The following MBD5 variants were observed in gnomAD, a reference collection of about 807,000 sequenced individuals.
MBD5 encodes methyl-CpG binding domain protein 5, also known as methyl-CpG-binding domain protein 5.
A neutral mutation model predicts 117.3 loss-of-function variants in MBD5; 13 were observed. The observed-to-expected ratio is 0.11, with a 90% CI of 0.07 to 0.18. MBD5 has a LOEUF of 0.18. Among genes scored for constraint, MBD5 ranks in the 10% least tolerant of loss-of-function variants. The pLI, the probability that MBD5 is intolerant of heterozygous loss-of-function variation, is 1.00. For synonymous variants in MBD5, 727 were observed against 766.4 expected (o/e 0.95, Z 0.85); for missense variants, 1,879 against 2,093.8 (o/e 0.90, Z 2.00).
rs73965441 is a variant in MBD5, at chr2:148,495,740, T to C, written c.4962+5146T>C. Among the ~76,000 whole-genome samples the C allele has an allele frequency of 1.7e-3, 254 of 152,382 alleles. 2 individuals carry two copies. The highest frequency in any genetic ancestry group is 6.0e-3 in the African/African-American group (250 of 41,600). On this transcript the variant is annotated intron_variant, in intron 11 of 13. Coordinates refer to ENST00000642680, the MANE Select transcript of MBD5 (RefSeq NM_001378120.1). ...TCTTTGACTTTTTTCCATACAGTTA[T>C]TTCTGGCAAGTAGAGATAAAAACAG...
chr2:148,143,848 A>G (rs1168034973), intron 1 of MBD5, among the ~76,000 whole-genome samples: 3 of 152,010 alleles, frequency 2.0e-5, no homozygotes, highest in Admixed American at 6.6e-5. Flanking sequence ...AATCCAGTCT[A>G]TCATTGATGG....
chr2:148,489,897 G>A lies in MBD5; in HGVS notation c.4265G>A (p.Ser1422Asn), dbSNP rs2105127970. The change falls in exon 11 of 14, where the codon AGT becomes AAT. Residue 1422 changes from serine to asparagine, a missense_variant. Transcript: ENST00000642680. Reference protein sequence around the residue: ...GDGFEYFKSASCHTSKKQWDG... With the variant: ...GDGFEYFKSANCHTSKKQWDG... ...GGGTTTGAATATTTCAAGTCAGCAA[G>A]TTGCCACACATCCAAAAAACAGTGG... 2 of 1,614,132 alleles carry A rather than the reference G, an allele frequency of 1.2e-6. No homozygotes were observed. Among genetic ancestry groups the A allele is most frequent in the East Asian group, 4.5e-5 (2 of 44,882 alleles).
intron 3 of MBD5, among the ~76,000 whole-genome samples, chr2:148,323,624 T>G (rs1293356807): frequency 1.3e-5 from 2 of 151,612 alleles, no homozygotes; most frequent in African/African-American, 4.8e-5. Flanking sequence ...TCATGTGTTT[T>G]TTGGCTGCAT....
intron 4 of MBD5, among the ~76,000 whole-genome samples, chr2:148,388,111 GAGA>G (rs1269119326): frequency 6.6e-6 from 1 of 152,164 alleles, no homozygotes; most frequent in East Asian, 1.9e-4. Context: ...GTTATTGGTG[GAGA>G]AGAAGACAGC....
At chr2:148,358,159 C>G (rs149257122) in intron 4 of MBD5, among the ~76,000 whole-genome samples, 2 of 152,044 alleles carry the variant, frequency 1.3e-5, no homozygotes, top group East Asian at 3.9e-4. Flanking sequence ...TAAAAACATG[C>G]GTGGTCTACC....
At chr2:148,099,884 A>G (rs1696162374) in intron 1 of MBD5, among the ~76,000 whole-genome samples, 1 of 152,218 alleles carries the variant, frequency 6.6e-6, no homozygotes, top group South Asian at 2.1e-4. Context: ...ATTCATTCAC[A>G]TAAAAATATT....
chr2:148,107,934 T>C (rs1447115665), intron 1 of MBD5, among the ~76,000 whole-genome samples: 2 of 152,202 alleles, frequency 1.3e-5, no homozygotes, highest in Non-Finnish European at 2.9e-5. Context: ...ACAGTATTAG[T>C]ACAATACTAT....
At chr2:148,155,145 A>T (rs1482673589) in intron 1 of MBD5, among the ~76,000 whole-genome samples, 1 of 152,224 alleles carries the variant, frequency 6.6e-6, no homozygotes, top group Non-Finnish European at 1.5e-5. Context: ...AGCGGGAAAG[A>T]TTGCTAAGGA....
rs1681452038 is a variant in MBD5, at chr2:148,489,572, G to T, written c.3940G>T (p.Gly1314Cys). 2 of 1,614,164 alleles carry T rather than the reference G, an allele frequency of 1.2e-6. No individual in the cohort carries two copies. The highest frequency in any genetic ancestry group is 1.7e-6 in the Non-Finnish European group (2 of 1,180,040). Reference sequence around the variant, plus strand: ...GGATGGCCTCGTTGTGGGTGGCCCAGGTGATGCTTCCGTAGATGCCATTTA... The same window carrying T: ...GGATGGCCTCGTTGTGGGTGGCCCATGTGATGCTTCCGTAGATGCCATTTA... Reference protein sequence around the residue: ...VKDGLVVGGPGDASVDAIYKA... With the variant: ...VKDGLVVGGPCDASVDAIYKA... The change falls in exon 11 of 14, where the codon GGT becomes TGT. Residue 1314 changes from glycine to cysteine, a missense_variant. By Grantham distance (159) the Gly-to-Cys change is radical (BLOSUM62 -3). This residue lies in a region of MBD5 where 1,666 missense variants were observed against 1,792.2 expected (regional missense o/e 0.93). Transcript: ENST00000642680.
At chr2:148,315,212 A>G (rs1217267408) in intron 3 of MBD5, among the ~76,000 whole-genome samples, 1 of 152,122 alleles carries the variant, frequency 6.6e-6, no homozygotes, top group African/African-American at 2.4e-5. Flanking sequence ...GTATAAGTAA[A>G]TCATCATTTT....
At chr2:148,446,194 T>G (rs943712334) in intron 4 of MBD5, among the ~76,000 whole-genome samples, 5 of 151,910 alleles carry the variant, frequency 3.3e-5, no homozygotes, top group East Asian at 1.9e-4. Flanking sequence ...GTTTTAGACA[T>G]GAAGCCCTTG....
At chr2:148,400,250 G>A (rs1256451339) in intron 4 of MBD5, among the ~76,000 whole-genome samples, 1 of 150,820 alleles carries the variant, frequency 6.6e-6, no homozygotes, top group East Asian at 1.9e-4. Flanking sequence ...TCAGTAATAT[G>A]GTATTCCCCA....
chr2:148,496,046 T>C (rs1219721053), intron 11 of MBD5, among the ~76,000 whole-genome samples: 1 of 152,238 alleles, frequency 6.6e-6, no homozygotes, highest in East Asian at 1.9e-4. Context: ...GTGTTAGCTG[T>C]TTGTATTCTT....
At chr2:148,237,846 G>A (rs1422215113) in intron 3 of MBD5, among the ~76,000 whole-genome samples, 1 of 152,136 alleles carries the variant, frequency 6.6e-6, no homozygotes, top group Non-Finnish European at 1.5e-5. Flanking sequence ...GATTAAGGCT[G>A]ATTTATTAAC....
chr2:148,216,640 C>T (rs1699562739), intron 2 of MBD5, among the ~76,000 whole-genome samples: 1 of 152,144 alleles, frequency 6.6e-6, no homozygotes, highest in African/African-American at 2.4e-5. Flanking sequence ...ATATTCTTCC[C>T]TTCTCCCCAA....
At chr2:148,200,982 G>A (rs1312954711) in intron 2 of MBD5, among the ~76,000 whole-genome samples, 1 of 152,162 alleles carries the variant, frequency 6.6e-6, no homozygotes, top group Non-Finnish European at 1.5e-5. Context: ...ATAAAGCAAA[G>A]TTGTGTACCA....
At chr2:148,057,697 C>A (rs902442899) in intron 1 of MBD5, among the ~76,000 whole-genome samples, 20 of 151,806 alleles carry the variant, frequency 1.3e-4, no homozygotes, top group Non-Finnish European at 2.2e-4. Context: ...CAACAATATG[C>A]TTTAGGGTTT....
chr2:148,302,053 T>C (rs1238728978), intron 3 of MBD5, among the ~76,000 whole-genome samples: 5 of 152,220 alleles, frequency 3.3e-5, no homozygotes, highest in African/African-American at 1.2e-4. Flanking sequence ...GCCTTGCTCG[T>C]GTCTGACTAG....
rs2105278869 is a variant in MBD5 at position 148,510,146 on chromosome 2, T to G, written c.5112+11T>G. ...AAAATGTCTGGGACTGTAAGTTAATTTATTTTTCCATTATACTACGTTTCT... is the reference window on the plus strand; with the variant it reads ...AAAATGTCTGGGACTGTAAGTTAATGTATTTTTCCATTATACTACGTTTCT... On this transcript the variant is annotated intron_variant, in intron 13 of 13. Coordinates refer to ENST00000642680, the MANE Select transcript of MBD5 (RefSeq NM_001378120.1). 4 of 1,587,248 alleles carry G rather than the reference T, an allele frequency of 2.5e-6. No homozygotes were observed. The highest frequency in any genetic ancestry group is 1.7e-4 in the Middle Eastern group (1 of 5,754).
Sources: allele counts gnomAD v4.1 joint callset (sites outside exome capture counted in the v4.1 genomes callset), GRCh38; gene constraint gnomAD v4.1.1; regional missense constraint gnomAD v4.1.1; transcripts MANE v1.5; gene names NCBI Gene and HGNC (gene_info 2026-07-23, HGNC 2026-07-21).